The following FAM81A variants were observed in gnomAD, a reference collection of about 807,000 sequenced individuals.
FAM81A encodes protein FAM81A.
Under a neutral mutation model 46.7 loss-of-function variants are expected in FAM81A, and 19 were observed. That is an observed-to-expected ratio of 0.41 (90% CI 0.28 to 0.60). The LOEUF (loss-of-function observed/expected upper bound fraction) is 0.60. FAM81A is among the 20% of genes least tolerant of loss of function. The pLI, the probability that FAM81A is intolerant of heterozygous loss-of-function variation, is 0.34. For synonymous variants in FAM81A, 183 were observed against 152.9 expected (o/e 1.20, Z -1.45); for missense variants, 377 against 453.5 (o/e 0.83, Z 1.53).
intron 2 of FAM81A, among the ~76,000 whole-genome samples, chr15:59,430,809 C>T (rs1240497928): frequency 6.6e-6 from 1 of 151,930 alleles, no homozygotes; most frequent in Non-Finnish European, 1.5e-5. Flanking sequence ...GTGGCTGGGA[C>T]CAGAAGGATT....
chr15:59,414,651 C>CTT (rs2081137784), intron 2 of FAM81A, among the ~76,000 whole-genome samples: 1 of 151,320 alleles, frequency 6.6e-6, no homozygotes, highest in Admixed American at 6.6e-5. Context: ...CAACTGAGTT[C>CTT]TTTTTTGAGG....
chr15:59,521,520 A>C lies in FAM81A; in HGVS notation c.*142A>C. The stretch of plus-strand genomic sequence containing the variant: ...CAAGAAATGTGTTTTTATGGGTCTA[A>C]ATGTTTACCTTGAGTCTTGAAAATA... On this transcript the variant is annotated 3_prime_UTR_variant, in exon 9 of 9. Transcript: ENST00000288228. The C allele has an allele frequency of 1.1e-6, 1 of 898,010 alleles. No individual in the cohort carries two copies. The highest frequency in any genetic ancestry group is 1.5e-6 in the Non-Finnish European group (1 of 645,254). The allele number at this position is 898,010 out of a possible 1,614,324, so 55.6% of individuals were successfully genotyped here. A position where few individuals can be genotyped will look rare whatever the true frequency, so the allele number is the denominator to read the frequency against.
intron 2 of FAM81A, among the ~76,000 whole-genome samples, chr15:59,410,699 A>G (rs1303338831): frequency 6.6e-6 from 1 of 152,238 alleles, no homozygotes; most frequent in African/African-American, 2.4e-5. Context: ...ATGCATTTGA[A>G]CAATGTTGTA....
At position 59,516,726 on chromosome 15, in the gene FAM81A, A is replaced by C; in HGVS notation, c.868A>C (p.Thr290Pro). The C allele has an allele frequency of 6.2e-7, 1 of 1,613,718 alleles. No individual in the cohort carries two copies. Among genetic ancestry groups the C allele is most frequent in the Non-Finnish European group, 8.5e-7 (1 of 1,179,812 alleles). Residue 290 changes from threonine to proline, a missense_variant, in exon 8 of 9, where the codon ACT becomes CCT. Thr to Pro is a conservative substitution (Grantham distance 38, BLOSUM62 -1). Transcript: ENST00000288228. ...LDKIEEGQKKTFDGQRTRQEE... is the reference protein window; with the variant it reads ...LDKIEEGQKKPFDGQRTRQEE... ...CAAAATAGAAGAGGGTCAAAAGAAG[A>C]CTTTTGATGGTCAGAGAACAAGGCA...
chr15:59,412,815 C>T (rs747207743), intron 2 of FAM81A, among the ~76,000 whole-genome samples: 26 of 152,004 alleles, frequency 1.7e-4, no homozygotes, highest in Non-Finnish European at 2.8e-4. Context: ...CTCTGGGCAT[C>T]GGGGTAGGAA....
chr15:59,500,539 C>T (rs1172860355), intron 4 of FAM81A, among the ~76,000 whole-genome samples: 1 of 151,958 alleles, frequency 6.6e-6, no homozygotes. Flanking sequence ...TGGCCTCAAG[C>T]AATTCTCCTG....
chr15:59,458,584 G>A lies in FAM81A; in HGVS notation c.-43G>A. The A allele has an allele frequency of 1.2e-6, 2 of 1,613,614 alleles. No homozygotes were observed. Among genetic ancestry groups the A allele is most frequent in the Non-Finnish European group, 1.7e-6 (2 of 1,179,754 alleles). On this transcript the variant is annotated 5_prime_UTR_variant, in exon 2 of 9. Coordinates refer to ENST00000288228, the MANE Select transcript of FAM81A (RefSeq NM_152450.3). ...ATTAAAAAGAAAATGGCCCAACGGA[G>A]CACTGTATTTCCTTCTCGTGTCACC...
At chr15:59,441,007 C>T (rs927079823) in intron 1 of FAM81A, among the ~76,000 whole-genome samples, 2 of 152,194 alleles carry the variant, frequency 1.3e-5, no homozygotes, top group Admixed American at 1.3e-4. Flanking sequence ...TAAATTCCCA[C>T]TTTACCTTCC....
chr15:59,474,037 T>C (rs1694459472), intron 3 of FAM81A, among the ~76,000 whole-genome samples: 1 of 152,152 alleles, frequency 6.6e-6, no homozygotes, highest in South Asian at 2.1e-4. Flanking sequence ...ATTTAACAGT[T>C]CCTTCATTTT....
intron 3 of FAM81A, among the ~76,000 whole-genome samples, chr15:59,490,677 CAA>C (rs1222717008): frequency 1.3e-5 from 2 of 151,854 alleles, no homozygotes; most frequent in African/African-American, 4.8e-5. Context: ...ACTAAAAATA[CAA>C]AAAAAATTTA....
chr15:59,428,693 C>A (rs2081206139), intron 2 of FAM81A, among the ~76,000 whole-genome samples: 1 of 124,392 alleles, frequency 8.0e-6, no homozygotes, highest in Non-Finnish European at 1.6e-5. Flanking sequence ...TGCAGTGGTA[C>A]AATCTCGGCT....
intron 1 of FAM81A, among the ~76,000 whole-genome samples, chr15:59,453,567 C>G (rs207475537): frequency 6.6e-6 from 1 of 152,030 alleles, no homozygotes; most frequent in African/African-American, 2.4e-5. Context: ...TCTTATCCTA[C>G]CACCATGTTT....
intron 2 of FAM81A, among the ~76,000 whole-genome samples, chr15:59,413,086 C>T (rs898554501): frequency 6.6e-6 from 1 of 152,122 alleles, no homozygotes; most frequent in African/African-American, 2.4e-5. Context: ...CAGCACGCCA[C>T]ACAAGGCCAC....
chr15:59,402,010 C>T (rs867457971), intron 1 of FAM81A: 19 of 621,036 alleles, frequency 3.1e-5, no homozygotes, highest in Middle Eastern at 4.6e-4. Flanking sequence ...GGCATGTTGA[C>T]GCCGCAGAGC....
chr15:59,399,809 T>A (rs1310313807), intron 1 of FAM81A, among the ~76,000 whole-genome samples: 2 of 152,126 alleles, frequency 1.3e-5, no homozygotes, highest in African/African-American at 4.8e-5. Context: ...CTAAGTTTAG[T>A]GTGAGTGGCC....
chr15:59,496,687 A>G (rs2082037736), intron 4 of FAM81A, among the ~76,000 whole-genome samples: 1 of 152,206 alleles, frequency 6.6e-6, no homozygotes, highest in Non-Finnish European at 1.5e-5. Context: ...TTGATTCTCA[A>G]TTATTTTCTT....
At chr15:59,425,058 T>A (rs2081189420) in intron 2 of FAM81A, among the ~76,000 whole-genome samples, 1 of 152,164 alleles carries the variant, frequency 6.6e-6, no homozygotes, top group Non-Finnish European at 1.5e-5. Flanking sequence ...TAATTTTAAT[T>A]TTATTTTATA....
At chr15:59,438,064 A>G (rs570983650), upstream of FAM81A, 207 of 148,664 alleles carry the variant, frequency 1.4e-3, 1 homozygote, top group African/African-American at 4.8e-3. Context: ...ACGCGCCCGG[A>G]AGCGGCTCCG....
At chr15:59,399,135 C>A (rs2081059870) in intron 1 of FAM81A, among the ~76,000 whole-genome samples, 1 of 152,194 alleles carries the variant, frequency 6.6e-6, no homozygotes, top group South Asian at 2.1e-4. Flanking sequence ...CACCACTGCA[C>A]TCCAGCTTGG....
Sources: gnomAD v4.1 joint callset for allele counts (sites outside exome capture counted in the v4.1 genomes callset) on GRCh38, gnomAD v4.1.1 for gene constraint, MANE v1.5 for transcripts, NCBI Gene and HGNC (gene_info 2026-07-23, HGNC 2026-07-21) for gene names.